Variants in SPATA13 observed in about 807,000 individuals in gnomAD.
The protein encoded by SPATA13 is spermatogenesis associated 13, also known as spermatogenesis-associated protein 13.
A neutral mutation model predicts 104.0 loss-of-function variants in SPATA13; 50 were observed. That is an observed-to-expected ratio of 0.48 (90% CI 0.38 to 0.61). SPATA13 has a LOEUF of 0.61. Ranked by LOEUF, SPATA13 falls within the 20% of genes least tolerant of loss-of-function variation. The pLI is 0.00. For synonymous variants in SPATA13, 606 were observed against 667.5 expected (o/e 0.91, Z 1.42); for missense variants, 1,524 against 1,690.6 (o/e 0.90, Z 1.73).
At chr13:24,237,200 A>G (rs1237692758) in intron 2 of SPATA13, among the ~76,000 whole-genome samples, 1 of 152,070 alleles carries the variant, frequency 6.6e-6, no homozygotes, top group African/African-American at 2.4e-5. Context: ...TACTAAAAAT[A>G]CAAAAAATTA....
intron 3 of SPATA13, among the ~76,000 whole-genome samples, chr13:24,093,770 G>T: frequency 6.6e-6 from 1 of 152,144 alleles, no homozygotes; most frequent in East Asian, 1.9e-4. Flanking sequence ...AGGCAGGAAG[G>T]GTACAGGGGA....
intron 3 of SPATA13, chr13:24,017,728 C>T: frequency 1.0e-6 from 1 of 983,524 alleles, no homozygotes. Flanking sequence ...GTCCGTTCTT[C>T]CCTCTCCTTC....
chr13:24,068,107 A>G (rs537914706), intron 3 of SPATA13, among the ~76,000 whole-genome samples: 1 of 152,290 alleles, frequency 6.6e-6, no homozygotes, highest in East Asian at 1.9e-4. Flanking sequence ...TCATCACCCA[A>G]GCATTAAGCC....
chr13:24,058,370 C>T (rs1166156731), intron 3 of SPATA13, among the ~76,000 whole-genome samples: 3 of 151,800 alleles, frequency 2.0e-5, no homozygotes, highest in East Asian at 3.9e-4. Flanking sequence ...TAATGCTCAC[C>T]GTAATCCCTT....
At chr13:24,080,116 C>T (rs780356369) in intron 3 of SPATA13, among the ~76,000 whole-genome samples, 1 of 152,218 alleles carries the variant, frequency 6.6e-6, no homozygotes, top group Non-Finnish European at 1.5e-5. Flanking sequence ...GAAATTACTT[C>T]TTGGGTCTTT....
chr13:24,256,308 A>C (rs1480065147), intron 4 of SPATA13, among the ~76,000 whole-genome samples: 1 of 152,230 alleles, frequency 6.6e-6, no homozygotes, highest in East Asian at 1.9e-4. Flanking sequence ...TGTATTGTAT[A>C]GTTCAAAATA....
At chr13:24,112,133 A>G (rs1376247408) in intron 3 of SPATA13, among the ~76,000 whole-genome samples, 2 of 152,328 alleles carry the variant, frequency 1.3e-5, no homozygotes, top group East Asian at 3.9e-4. Context: ...AGTCTCACTT[A>G]CAGTGGAAAT....
At chr13:24,006,754 C>T (rs909161912) in intron 2 of SPATA13, among the ~76,000 whole-genome samples, 20 of 152,254 alleles carry the variant, frequency 1.3e-4, no homozygotes, top group African/African-American at 3.9e-4. Flanking sequence ...CACCGGGACA[C>T]GCAGCCCAAG....
rs143191525 is a variant in SPATA13, at chr13:24,017,697, A to C, written c.-116A>C. The C allele has an allele frequency of 8.3e-5, 82 of 984,852 alleles. No individual in the cohort carries two copies. The African/African-American group carries it at 1.4e-3, about 17-fold the overall frequency. 61.0% of individuals were successfully genotyped at this position (984,852 alleles called of 1,614,324 possible). A position where few individuals can be genotyped will look rare whatever the true frequency, so the allele number is the denominator to read the frequency against. ...GTCTTCAAGAGTAGCTGGTGCAGAA[A>C]CTCGGTAAGAAGGGCCTCGAGTCCG... On this transcript the variant is annotated 5_prime_UTR_variant, in exon 3 of 15. Transcript: ENST00000424834.
rs112006626 is a variant in SPATA13, at chr13:24,303,211, C to T, written c.*438C>T. ...TTGATTTTCAAGGATGCCGTCAAGA[C>T]GGGGTTGACACAATGCTGCACGTGT... is the stretch of plus-strand genomic sequence containing the variant. On this transcript the variant is annotated 3_prime_UTR_variant, in exon 13 of 13. Coordinates refer to ENST00000382108, the MANE Select transcript of SPATA13 (RefSeq NM_001166271.3). 9 of 415,312 alleles carry T rather than the reference C, an allele frequency of 2.2e-5. No individual in the cohort carries two copies. The highest frequency in any genetic ancestry group is 2.0e-5 in the African/African-American group (1 of 48,858). The allele number at this position is 415,312 out of a possible 1,614,324, so 25.7% of individuals were successfully genotyped here. A position where few individuals can be genotyped will look rare whatever the true frequency, so the allele number is the denominator to read the frequency against.
intron 4 of SPATA13, among the ~76,000 whole-genome samples, chr13:24,261,821 A>G (rs1344059789): frequency 1.3e-5 from 2 of 152,128 alleles, no homozygotes; most frequent in African/African-American, 4.8e-5. Flanking sequence ...CTAGGGCAGA[A>G]TGCCATGGGA....
intron 1 of SPATA13, among the ~76,000 whole-genome samples, chr13:24,215,301 C>T (rs1871216538): frequency 6.6e-6 from 1 of 152,206 alleles, no homozygotes; most frequent in Non-Finnish European, 1.5e-5. Context: ...AATTAGAAGA[C>T]AGTTTAAATT....
intron 3 of SPATA13, among the ~76,000 whole-genome samples, chr13:24,060,413 C>T (rs1036510156): frequency 1.3e-5 from 2 of 152,196 alleles, no homozygotes; most frequent in African/African-American, 4.8e-5. Flanking sequence ...CCCTTCCTTA[C>T]ACCATGTAAA....
At chr13:24,181,306 T>G (rs533803293) in intron 1 of SPATA13, among the ~76,000 whole-genome samples, 38 of 148,634 alleles carry the variant, frequency 2.6e-4, no homozygotes, top group South Asian at 2.3e-3. Context: ...TTATTGAAAC[T>G]TTTTTCATAA....
intron 4 of SPATA13, among the ~76,000 whole-genome samples, chr13:24,263,408 C>A (rs1456700958): frequency 6.6e-6 from 1 of 152,188 alleles, no homozygotes; most frequent in Admixed American, 6.5e-5. Context: ...CTACATCTCA[C>A]TTTATACTCA....
chr13:24,175,137 C>T lies in SPATA13; in HGVS notation c.-112+14205C>T, dbSNP rs1357393868. Among the ~76,000 whole-genome samples, 9 of 152,134 alleles carry T rather than the reference C, an allele frequency of 5.9e-5. No individual in the cohort carries two copies. In the East Asian group the frequency reaches 9.6e-4, roughly 16 times the overall value. ...GAATGTGTATTCTGATGTCCTAGGG[C>T]GGAGTTCTGTAGCTCTCTAATCCTT... On this transcript the variant is annotated intron_variant, in intron 1 of 12. Transcript: ENST00000382108.
chr13:24,297,272 T>G (rs1876849263), intron 10 of SPATA13, 91 bp from the exon 11 acceptor site: 1 of 1,471,318 alleles, frequency 6.8e-7, no homozygotes, highest in African/African-American at 1.4e-5. Flanking sequence ...ACTCTTGGCC[T>G]CAACGATCCT....
intron 3 of SPATA13, among the ~76,000 whole-genome samples, chr13:24,084,801 C>T (rs1879665976): frequency 6.6e-6 from 1 of 152,142 alleles, no homozygotes; most frequent in Admixed American, 6.5e-5. Flanking sequence ...GCAGCAGGAT[C>T]GCTTGAGCCC....
chr13:24,184,137 G>A (rs1029779986), intron 1 of SPATA13, among the ~76,000 whole-genome samples: 1 of 152,144 alleles, frequency 6.6e-6, no homozygotes, highest in African/African-American at 2.4e-5. Flanking sequence ...ATCTGTTGAC[G>A]ACTGTGTCTG....
Sources: allele counts gnomAD v4.1 joint callset (sites outside exome capture counted in the v4.1 genomes callset), GRCh38; gene constraint gnomAD v4.1.1; transcripts MANE v1.5; gene names NCBI Gene and HGNC (gene_info 2026-07-23, HGNC 2026-07-21).